TNKS2: variants seen among roughly 807,000 people sequenced by gnomAD.
TNKS2 encodes tankyrase 2.
In TNKS2, 72 loss-of-function variants were observed where a neutral mutation model predicts 137.6. The observed-to-expected ratio is 0.52, with a 90% CI of 0.43 to 0.64. The LOEUF (loss-of-function observed/expected upper bound fraction) is 0.64. Among genes scored for constraint, TNKS2 ranks in the 30% least tolerant of loss-of-function variants. TNKS2 has a pLI of 0.00. For synonymous variants in TNKS2, 516 were observed against 512.1 expected (o/e 1.01, Z -0.10); for missense variants, 1,049 against 1,410.2 (o/e 0.74, Z 4.10).
At chr10:91,844,118 A>G (rs1170388816) in intron 16 of TNKS2, among the ~76,000 whole-genome samples, 3 of 152,224 alleles carry the variant, frequency 2.0e-5, no homozygotes. Context: ...TAGCCTATCT[A>G]GAACACTTAA....
chr10:91,798,621 C>T lies in TNKS2; in HGVS notation c.-70C>T, dbSNP rs1844047576. ...CGTCTTCTCCGGGGGGCCTCGCCCT[C>T]CTGCTCGCGGGGCCGGGGCTCCTGC... On this transcript the variant is annotated 5_prime_UTR_variant, in exon 1 of 27. Transcript: ENST00000371627. The T allele has an allele frequency of 2.5e-6, 3 of 1,208,018 alleles. No homozygotes were observed. Among genetic ancestry groups the T allele is most frequent in the Non-Finnish European group, 3.1e-6 (3 of 972,920 alleles). 74.8% of individuals were successfully genotyped at this position (1,208,018 alleles called of 1,614,324 possible).
Position 91,849,613 on chromosome 10 carries a change from T to C in TNKS2, c.2694+19T>C, listed in dbSNP as rs891402783. 1 of 1,565,262 alleles carries C rather than the reference T, an allele frequency of 6.4e-7. No individual in the cohort carries two copies. The highest frequency in any genetic ancestry group is 1.4e-5 in the African/African-American group (1 of 72,550). ...AGAACAGGTGAGTAGATAAATCATA[T>C]TGTTTGGATTAGTGTTTTATGGAAA... On this transcript the variant is annotated intron_variant, in intron 20 of 26. Coordinates refer to ENST00000371627, the MANE Select transcript of TNKS2 (RefSeq NM_025235.4).
chr10:91,835,809 T>C lies in TNKS2; in HGVS notation c.1448-1110T>C, dbSNP rs956788832. On this transcript the variant is annotated intron_variant, in intron 12 of 26. Transcript: ENST00000371627. Reference sequence around the variant, plus strand: ...TTTTAGTAGTTACGGGGTTTTACCATGTTGCCGAGTCTGGTCTCCAACTCC... The same window carrying C: ...TTTTAGTAGTTACGGGGTTTTACCACGTTGCCGAGTCTGGTCTCCAACTCC... Among the ~76,000 whole-genome samples, 4 of 151,006 alleles carry C rather than the reference T, an allele frequency of 2.6e-5. No homozygotes were observed. The South Asian group carries it at 6.3e-4, about 24-fold the overall frequency.
chr10:91,831,076 C>G (rs372235281), intron 10 of TNKS2, 27 bp from the exon 11 acceptor site: 1 of 1,613,040 alleles, frequency 6.2e-7, no homozygotes, highest in East Asian at 2.2e-5. Context: ...AATATATTCA[C>G]TGTCTGGCTG....
At chr10:91,838,576 A>C (rs1201683365) in intron 13 of TNKS2, among the ~76,000 whole-genome samples, 1 of 152,222 alleles carries the variant, frequency 6.6e-6, no homozygotes, top group Non-Finnish European at 1.5e-5. Flanking sequence ...GCCTGTGATA[A>C]CTACCAAACC....
chr10:91,826,621 C>A (rs1845078715), intron 7 of TNKS2, among the ~76,000 whole-genome samples: 1 of 152,110 alleles, frequency 6.6e-6, no homozygotes, highest in Non-Finnish European at 1.5e-5. Flanking sequence ...AGGAAACATT[C>A]TGGGGTAATG....
chr10:91,803,319 C>G (rs1388276133), intron 1 of TNKS2, among the ~76,000 whole-genome samples: 3 of 152,056 alleles, frequency 2.0e-5, no homozygotes, highest in African/African-American at 4.8e-5. Context: ...TCAAGACCAG[C>G]CTGGGCAACA....
At chr10:91,820,523 G>T (rs1454154153) in intron 6 of TNKS2, among the ~76,000 whole-genome samples, 1 of 152,238 alleles carries the variant, frequency 6.6e-6, no homozygotes, top group Admixed American at 6.5e-5. Flanking sequence ...GACTAGCTTT[G>T]CTGGAGCAGA....
chr10:91,834,998 A>G (rs553719407), intron 12 of TNKS2, among the ~76,000 whole-genome samples: 1 of 152,342 alleles, frequency 6.6e-6, no homozygotes, highest in South Asian at 2.1e-4. Flanking sequence ...TCTTCTGTTA[A>G]TAGAAAGCTG....
intron 2 of TNKS2, among the ~76,000 whole-genome samples, chr10:91,816,686 CT>C (rs34591746): frequency 1.6e-4 from 23 of 147,758 alleles, no homozygotes; most frequent in Non-Finnish European, 2.1e-4. Context: ...GTGTGATTTT[CT>C]TTTTTTTTTT....
At chr10:91,841,480 G>A in intron 15 of TNKS2, 32 bp downstream of exon 15, 1 of 1,515,562 alleles carries the variant, frequency 6.6e-7, no homozygotes, top group Non-Finnish European at 8.9e-7. Context: ...TAAAGAGTAT[G>A]AATTACATAG....
intron 4 of TNKS2, 86 bp downstream of exon 4, chr10:91,819,392 A>G: frequency 7.1e-7 from 1 of 1,416,658 alleles, no homozygotes; most frequent in Non-Finnish European, 9.4e-7. Flanking sequence ...AGCAAACTTT[A>G]AAAAGAATTT....
chr10:91,846,186 G>A (rs1645684888), intron 18 of TNKS2, among the ~76,000 whole-genome samples: 1 of 152,152 alleles, frequency 6.6e-6, no homozygotes, highest in African/African-American at 2.4e-5. Flanking sequence ...GGAAAAAGAA[G>A]TACATGATAT....
At chr10:91,828,043 G>A (rs541703661) in intron 8 of TNKS2, among the ~76,000 whole-genome samples, 11 of 152,092 alleles carry the variant, frequency 7.2e-5, no homozygotes, top group Admixed American at 5.9e-4. Context: ...TGAATCTGCC[G>A]TGGGCTAAAC....
chr10:91,860,660 A>G (rs1842829489), intron 25 of TNKS2, among the ~76,000 whole-genome samples: 1 of 152,196 alleles, frequency 6.6e-6, no homozygotes, highest in Non-Finnish European at 1.5e-5. Flanking sequence ...TAGAATTTTT[A>G]AAAGCTTCCC....
At chr10:91,807,535 G>A (rs993930663) in intron 1 of TNKS2, 1 of 1,115,098 alleles carries the variant, frequency 9.0e-7, no homozygotes. Context: ...CGCGAGTCCT[G>A]CAATGCCATT....
chr10:91,848,742 AAAATT>A, intron 19 of TNKS2, 107 bp downstream of exon 19: 1 of 1,310,360 alleles, frequency 7.6e-7, no homozygotes, highest in Non-Finnish European at 1.1e-6. Flanking sequence ...GTATTAGTAT[AAAATT>A]AGTTAACATA....
At chr10:91,808,344 A>G (rs1309594757) in intron 1 of TNKS2, among the ~76,000 whole-genome samples, 1 of 151,950 alleles carries the variant, frequency 6.6e-6, no homozygotes, top group African/African-American at 2.4e-5. Context: ...AACTGAAAGT[A>G]TATTATAGTT....
chr10:91,831,390 G>A (rs893028404), intron 11 of TNKS2, among the ~76,000 whole-genome samples: 1 of 152,038 alleles, frequency 6.6e-6, no homozygotes, highest in African/African-American at 2.4e-5. Flanking sequence ...ACACATTCCT[G>A]TATGTCCTCC....
Sources: gnomAD v4.1 joint callset for allele counts (sites outside exome capture counted in the v4.1 genomes callset) on GRCh38, gnomAD v4.1.1 for gene constraint, MANE v1.5 for transcripts, NCBI Gene and HGNC (gene_info 2026-07-23, HGNC 2026-07-21) for gene names.